KLRG2: variants seen among roughly 807,000 people sequenced by gnomAD.
KLRG2 encodes killer cell lectin-like receptor subfamily G member 2.
KLRG2 carries 39 observed loss-of-function variants against 35.4 expected under a neutral mutation model. That is an observed-to-expected ratio of 1.10 (90% confidence interval 0.85 to 1.44). The LOEUF (loss-of-function observed/expected upper bound fraction) is 1.44, where lower values mean the gene tolerates loss of function less well. Among genes scored for constraint, KLRG2 ranks in the 40% most tolerant of loss-of-function variants. The pLI, the probability that KLRG2 is intolerant of heterozygous loss-of-function variation, is 0.00. For synonymous variants in KLRG2, 283 were observed against 265.8 expected (o/e 1.06, Z -0.63); for missense variants, 632 against 570.9 (o/e 1.11, Z -1.09).
At chr7:139,461,515 C>G (rs1210290011) in intron 3 of KLRG2, among the ~76,000 whole-genome samples, 1 of 152,162 alleles carries the variant, frequency 6.6e-6, no homozygotes, top group African/African-American at 2.4e-5. Flanking sequence ...GTGACCTGCA[C>G]GTATACATCC....
the KLRG2 span, among the ~76,000 whole-genome samples, chr7:139,441,684 A>G: frequency 1.3e-5 from 2 of 151,980 alleles, no homozygotes; most frequent in African/African-American, 4.8e-5. Flanking sequence ...AGGCAGGAGG[A>G]TCCCTTGAGC....
intron 3 of KLRG2, among the ~76,000 whole-genome samples, chr7:139,466,741 A>AAAATAAAAT (rs1253758018): frequency 1.5e-4 from 15 of 98,542 alleles, no homozygotes; most frequent in African/African-American, 1.1e-3. Flanking sequence ...TGCTAAAAAT[A>AAAATAAAAT]AAATAAAAAA....
At chr7:139,474,866 T>C (rs1796822398) in intron 3 of KLRG2, among the ~76,000 whole-genome samples, 1 of 152,240 alleles carries the variant, frequency 6.6e-6, no homozygotes. Flanking sequence ...TATAATGCTG[T>C]GGTGCTCCAG....
At chr7:139,459,796 G>T (rs1169507672) in intron 3 of KLRG2, among the ~76,000 whole-genome samples, 1 of 151,608 alleles carries the variant, frequency 6.6e-6, no homozygotes, top group Non-Finnish European at 1.5e-5. Flanking sequence ...TTCTTGCCCA[G>T]GCTGGAGTGC....
chr7:139,472,732 T>C (rs902131171), intron 3 of KLRG2, among the ~76,000 whole-genome samples: 3 of 152,036 alleles, frequency 2.0e-5, no homozygotes, highest in African/African-American at 7.2e-5. Context: ...AGCCAAGAAA[T>C]ACCCCAATTT....
chr7:139,454,855 T>C (rs1796439739), intron 3 of KLRG2, among the ~76,000 whole-genome samples: 1 of 120,670 alleles, frequency 8.3e-6, no homozygotes, highest in South Asian at 2.8e-4. Context: ...ATAATAATAA[T>C]AATAATAATA....
chr7:139,453,765 C>T (rs1455083129), intron 4 of KLRG2, 58 bp from the exon 5 acceptor site: 4 of 1,599,612 alleles, frequency 2.5e-6, no homozygotes, highest in Non-Finnish European at 3.4e-6. Flanking sequence ...GGCCTTGCTT[C>T]CCAGCCAGAC....
chr7:139,470,476 C>A (rs1157061072), intron 3 of KLRG2, among the ~76,000 whole-genome samples: 1 of 151,986 alleles, frequency 6.6e-6, no homozygotes, highest in Non-Finnish European at 1.5e-5. Flanking sequence ...GTCAAACTGA[C>A]AAAGATTTAA....
chr7:139,466,592 C>T (rs114132701), intron 3 of KLRG2, among the ~76,000 whole-genome samples: 1,728 of 152,194 alleles, frequency 0.011, 28 homozygotes, highest in African/African-American at 0.039. Context: ...TCTTATGCCA[C>T]GCTCTACCTC....
chr7:139,445,767 G>GTATATATATATATGTATATA, the KLRG2 span, among the ~76,000 whole-genome samples: 1 of 89,634 alleles, frequency 1.1e-5, no homozygotes, highest in African/African-American at 1.0e-4. Context: ...ATATGTGTAT[G>GTATATATATATATGTATATA]TATATATATA....
chr7:139,460,147 A>G (rs66527844), intron 3 of KLRG2, among the ~76,000 whole-genome samples: 22,785 of 152,138 alleles, frequency 0.15, 1,886 homozygotes, highest in Middle Eastern at 0.19. Context: ...TGGCCCCCCA[A>G]AGTGTTGGGA....
chr7:139,480,677 C>G (rs549905908), intron 1 of KLRG2, among the ~76,000 whole-genome samples: 2 of 150,852 alleles, frequency 1.3e-5, no homozygotes, highest in South Asian at 2.1e-4. Flanking sequence ...GAACTCCTGA[C>G]CTTGTGATCT....
intron 3 of KLRG2, among the ~76,000 whole-genome samples, chr7:139,456,769 G>A (rs1286992866): frequency 2.0e-5 from 3 of 152,190 alleles, no homozygotes; most frequent in South Asian, 2.1e-4. Flanking sequence ...CTGCTGGTGC[G>A]TGCCACCACT....
chr7:139,474,441 C>T (rs1476064160), intron 3 of KLRG2, among the ~76,000 whole-genome samples: 1 of 152,122 alleles, frequency 6.6e-6, no homozygotes, highest in Non-Finnish European at 1.5e-5. Flanking sequence ...ATATCTATGT[C>T]TCTATCTCCA....
chr7:139,461,779 G>A (rs1268797265), intron 3 of KLRG2, among the ~76,000 whole-genome samples: 1 of 151,948 alleles, frequency 6.6e-6, no homozygotes, highest in Non-Finnish European at 1.5e-5. Flanking sequence ...TTCGGACTCA[G>A]CCCGCCTGCA....
In KLRG2 at chr7:139,483,387, C is replaced by T. The variant is rs1797005672; in HGVS notation, c.256G>A (p.Gly86Ser). 5 of 1,539,436 alleles carry T rather than the reference C, an allele frequency of 3.2e-6. No individual in the cohort carries two copies. The South Asian group carries it at 4.8e-5, about 15-fold the overall frequency. Residue 86 changes from glycine to serine, a missense_variant, in exon 1 of 5, where the codon GGC becomes AGC. Physicochemically the swap from Gly to Ser is moderately conservative, Grantham distance 56. Transcript: ENST00000340940. ...GSPRVPPLSL[G>S]YGVCPEPPSP... The stretch of plus-strand genomic sequence containing the variant: ...GGCGGCTCGGGGCAGACCCCGTAGC[C>T]CAGGCTGAGCGGCGGCACGCGCGGG...
rs879553190 is a variant in KLRG2 at position 139,459,756 on chromosome 7, A to AT, written c.1006-5543dup. ...GCTCACTGAAAAACATCACCTCCAG[A>AT]TTTTTTTTTTTTGAGACGGAGTTTT... On this transcript the variant is annotated intron_variant, in intron 3 of 4. Coordinates refer to ENST00000340940, the MANE Select transcript of KLRG2 (RefSeq NM_198508.4). Among the ~76,000 whole-genome samples, 824 of 146,908 alleles carry AT rather than the reference A, an allele frequency of 5.6e-3. 7 individuals are homozygous for AT. Among genetic ancestry groups the AT allele is most frequent in the African/African-American group, 0.018 (741 of 40,332 alleles).
the KLRG2 span, among the ~76,000 whole-genome samples, chr7:139,438,255 G>A: frequency 1.3e-5 from 2 of 152,264 alleles, no homozygotes; most frequent in Admixed American, 6.5e-5. Flanking sequence ...TTGAGATGGA[G>A]GTGTCTCACT....
chr7:139,449,545 GA>G (rs1390770756), downstream of KLRG2, among the ~76,000 whole-genome samples: 1 of 152,088 alleles, frequency 6.6e-6, no homozygotes, highest in East Asian at 1.9e-4. Flanking sequence ...ACTAATTTAT[GA>G]AAAGGCATTT....
Sources: gnomAD v4.1 joint callset for allele counts (sites outside exome capture counted in the v4.1 genomes callset) on GRCh38, gnomAD v4.1.1 for gene constraint, MANE v1.5 for transcripts, NCBI Gene and HGNC (gene_info 2026-07-23, HGNC 2026-07-21) for gene names.